The following ERICH3 variants were observed in gnomAD, a reference collection of about 807,000 sequenced individuals.
The protein encoded by ERICH3 is glutamate-rich protein 3.
A neutral mutation model predicts 131.1 loss-of-function variants in ERICH3; 126 were observed. That is an observed-to-expected ratio of 0.96 (90% CI 0.83 to 1.11). ERICH3 has a LOEUF of 1.11. Among genes scored for constraint, ERICH3 ranks in the 50% most tolerant of loss-of-function variants. The pLI is 0.00. For missense variants in ERICH3, 2,050 were observed against 1,810.7 expected (o/e 1.13, Z -2.40); for synonymous variants, 695 against 644.6 (o/e 1.08, Z -1.18).
At chr1:74,635,931 T>C (rs1411899900) in intron 6 of ERICH3, among the ~76,000 whole-genome samples, 2 of 152,218 alleles carry the variant, frequency 1.3e-5, no homozygotes, top group Admixed American at 1.3e-4. Flanking sequence ...CTAGGTTTCA[T>C]GCGTTTAAAA....
intron 11 of ERICH3, chr1:74,592,026 T>C (rs953631734): frequency 6.6e-6 from 1 of 152,196 alleles, no homozygotes; most frequent in African/African-American, 2.4e-5. Flanking sequence ...CCTCCAGCCC[T>C]GCCGGCTCTC....
chr1:74,645,049 C>T (rs954986243), intron 3 of ERICH3, among the ~76,000 whole-genome samples: 16 of 152,038 alleles, frequency 1.1e-4, no homozygotes, highest in Admixed American at 1.0e-3. Context: ...GTCTGGAACA[C>T]CTTTCCCACA....
intron 7 of ERICH3, among the ~76,000 whole-genome samples, chr1:74,628,676 T>C (rs965907848): frequency 6.6e-6 from 1 of 150,858 alleles, no homozygotes; most frequent in Non-Finnish European, 1.5e-5. Flanking sequence ...TATTCAAGTG[T>C]CAACTCTCCA....
intron 3 of ERICH3, among the ~76,000 whole-genome samples, chr1:74,644,041 C>T (rs1210364550): frequency 3.3e-5 from 5 of 151,604 alleles, no homozygotes; most frequent in African/African-American, 4.8e-5. Context: ...AAAATAAGCC[C>T]CATGTAAAAA....
intron 10 of ERICH3, among the ~76,000 whole-genome samples, chr1:74,600,421 C>T (rs1648073540): frequency 6.6e-6 from 1 of 151,742 alleles, no homozygotes; most frequent in African/African-American, 2.4e-5. Context: ...TGAGAAGTAA[C>T]ACTGTGAATA....
intron 1 of ERICH3, among the ~76,000 whole-genome samples, chr1:74,651,769 C>A (rs964371713): frequency 6.6e-6 from 1 of 152,028 alleles, no homozygotes; most frequent in African/African-American, 2.4e-5. Flanking sequence ...AAGTGGGGGT[C>A]AAAAAGTTGG....
intron 1 of ERICH3, among the ~76,000 whole-genome samples, chr1:74,654,253 C>G (rs1335865222): frequency 1.3e-5 from 2 of 152,042 alleles, no homozygotes; most frequent in Non-Finnish European, 2.9e-5. Flanking sequence ...CTCTTCCAGC[C>G]TCCACCTATT....
At position 74,571,606 on chromosome 1, in the gene ERICH3, C is replaced by T. The variant is rs1646947429; in HGVS notation, c.4104G>A (p.Glu1368=). ...EVLAGSETAE[E]KTIANKASSF... ...AGGAGGCTTTATTTGCTATTGTTTT[C>T]TCCTCGGCTGTCTCCGAACCTGCCA... The change falls in exon 14 of 15, where the codon GAG becomes GAA. Residue 1368 remains glutamate, a synonymous_variant. Coordinates refer to ENST00000326665, the MANE Select transcript of ERICH3 (RefSeq NM_001002912.5). 6.2e-7 allele frequency: 1 copy of T among 1,614,032 alleles called. No homozygotes were observed. The highest frequency in any genetic ancestry group is 1.7e-5 in the Admixed American group (1 of 59,998).
At chr1:74,602,522 G>T (rs1648187303) in intron 10 of ERICH3, among the ~76,000 whole-genome samples, 1 of 151,846 alleles carries the variant, frequency 6.6e-6, no homozygotes, top group Non-Finnish European at 1.5e-5. Context: ...CATCAATCTA[G>T]CCACAACCTT....
chr1:74,657,795 G>C (rs1273498966), intron 1 of ERICH3, among the ~76,000 whole-genome samples: 1 of 152,086 alleles, frequency 6.6e-6, no homozygotes, highest in East Asian at 1.9e-4. Context: ...AGTTGCATAT[G>C]AGACATGGTA....
chr1:74,584,950 G>C (rs1570821027), intron 12 of ERICH3, among the ~76,000 whole-genome samples: 1 of 152,126 alleles, frequency 6.6e-6, no homozygotes, highest in Admixed American at 6.6e-5. Context: ...CCTGCCTGAT[G>C]ACAAAATTGC....
chr1:74,646,625 G>T, intron 3 of ERICH3, 42 bp downstream of exon 3: 1 of 1,068,916 alleles, frequency 9.4e-7, no homozygotes, highest in Non-Finnish European at 1.3e-6. Flanking sequence ...TGTGGAAGTA[G>T]AAAAAAATAA....
At chr1:74,630,914 A>C (rs1359048317) in intron 7 of ERICH3, among the ~76,000 whole-genome samples, 2 of 151,972 alleles carry the variant, frequency 1.3e-5, no homozygotes, top group Non-Finnish European at 2.9e-5. Context: ...AAGGAAATTC[A>C]AGCAAGCAGG....
At position 74,572,814 on chromosome 1, in the gene ERICH3, T is replaced by C; in HGVS notation, c.2896A>G (p.Arg966Gly). 2 of 1,613,848 alleles carry C rather than the reference T, an allele frequency of 1.2e-6. No individual in the cohort carries two copies. The highest frequency in any genetic ancestry group is 1.7e-6 in the Non-Finnish European group (2 of 1,180,004). The change falls in exon 14 of 15, where the codon AGA becomes GGA. Residue 966 changes from arginine (R) to glycine (G), a missense_variant. Physicochemically the swap from Arg to Gly is moderately radical, Grantham distance 125. Transcript: ENST00000326665. Reference sequence around the variant, plus strand: ...ATTGCCTCTTCAGAACCGTCCTCTCTCTTTGATGCTGTGTCCTCCATGGGT... The same window carrying C: ...ATTGCCTCTTCAGAACCGTCCTCTCCCTTTGATGCTGTGTCCTCCATGGGT... ...TGPMEDTASKREDGSEEAILG... is the reference protein window; with the variant it reads ...TGPMEDTASKGEDGSEEAILG...
chr1:74,669,290 A>T (rs1381137483), intron 1 of ERICH3, among the ~76,000 whole-genome samples: 1 of 138,278 alleles, frequency 7.2e-6, no homozygotes, highest in Admixed American at 6.9e-5. Flanking sequence ...ACAGTCTTTC[A>T]AAACATATGT....
chr1:74,575,535 G>A (rs540464339), intron 13 of ERICH3, among the ~76,000 whole-genome samples: 5 of 152,168 alleles, frequency 3.3e-5, no homozygotes, highest in South Asian at 4.1e-4. Flanking sequence ...GATTATTACC[G>A]TATTTGAAAC....
intron 13 of ERICH3, among the ~76,000 whole-genome samples, chr1:74,576,540 GA>G (rs954076671): frequency 3.3e-5 from 5 of 152,206 alleles, no homozygotes; most frequent in African/African-American, 1.2e-4. Context: ...TATTTGCTAT[GA>G]ACAATAAAGT....
intron 12 of ERICH3, among the ~76,000 whole-genome samples, chr1:74,583,479 T>TTC (rs141353159): frequency 6.6e-6 from 1 of 151,664 alleles, no homozygotes; most frequent in African/African-American, 2.4e-5. Flanking sequence ...TGTGGTCTCT[T>TTC]TCTCTCTCTC....
chr1:74,598,053 C>T (rs995383475), intron 11 of ERICH3, among the ~76,000 whole-genome samples: 6 of 151,788 alleles, frequency 4.0e-5, no homozygotes, highest in African/African-American at 1.4e-4. Context: ...TAACTTAGGA[C>T]TTTTTTATTT....
Sources: allele counts gnomAD v4.1 joint callset (sites outside exome capture counted in the v4.1 genomes callset), GRCh38; gene constraint gnomAD v4.1.1; transcripts MANE v1.5; gene names NCBI Gene and HGNC (gene_info 2026-07-23, HGNC 2026-07-21).